The following CPQ variants were observed in gnomAD, a reference collection of about 807,000 sequenced individuals.
CPQ encodes the protein Ser-Met dipeptidase.
CPQ carries 37 observed loss-of-function variants against 45.7 expected under a neutral mutation model. That is an observed-to-expected ratio of 0.81 (90% CI 0.62 to 1.07). The LOEUF (loss-of-function observed/expected upper bound fraction) is 1.07, where lower values mean the gene tolerates loss of function less well. Among genes scored for constraint, CPQ ranks in the 50% least tolerant of loss-of-function variants. The pLI is 0.00. For missense variants in CPQ, 537 were observed against 572.9 expected, an observed-to-expected ratio of 0.94 and a Z score of 0.64; for synonymous variants, 186 against 205.8, an observed-to-expected ratio of 0.90 and a Z score of 0.82.
intron 1 of CPQ, among the ~76,000 whole-genome samples, chr8:96,730,382 C>G (rs975418061): frequency 6.6e-6 from 1 of 152,146 alleles, no homozygotes; most frequent in African/African-American, 2.4e-5. Context: ...GTTAAGTTCA[C>G]TCATCTCTCT....
chr8:96,889,712 T>C (rs1812348545), intron 4 of CPQ, among the ~76,000 whole-genome samples: 1 of 152,150 alleles, frequency 6.6e-6, no homozygotes, highest in Non-Finnish European at 1.5e-5. Flanking sequence ...GGCAAACCAC[T>C]ACTCTGAGTC....
At chr8:96,645,989 G>A (rs1226202416) in intron 1 of CPQ, among the ~76,000 whole-genome samples, 1 of 149,922 alleles carries the variant, frequency 6.7e-6, no homozygotes, top group African/African-American at 2.5e-5. Flanking sequence ...CCGTAGAACT[G>A]AGTGAATTAA....
At chr8:96,926,668 C>A (rs967835787) in intron 4 of CPQ, among the ~76,000 whole-genome samples, 4 of 150,192 alleles carry the variant, frequency 2.7e-5, no homozygotes, top group African/African-American at 9.9e-5. Context: ...TCTCCCTATT[C>A]TTCTTCTTCT....
chr8:96,825,972 A>T (rs1362764710), intron 2 of CPQ, among the ~76,000 whole-genome samples: 3 of 152,114 alleles, frequency 2.0e-5, no homozygotes, highest in Admixed American at 6.6e-5. Context: ...GGAATTTAGA[A>T]AGCAAATACA....
rs1303923186 is a variant in CPQ at position 96,792,968 on chromosome 8, GTTAT to G, written c.433+7639_433+7642del. The stretch of plus-strand genomic sequence containing the variant: ...GAGTGGCAAGCGAAGGGGAAAGATG[GTTAT>G]ACAACCATCAGATCTTGTGAGAATT... On this transcript the variant is annotated intron_variant, in intron 2 of 7. Transcript: ENST00000220763. Among the ~76,000 whole-genome samples the G allele has an allele frequency of 2.0e-5, 3 of 152,172 alleles. No individual in the cohort carries two copies. The East Asian group carries it at 5.8e-4, about 30-fold the overall frequency.
chr8:96,910,517 C>G (rs1320154317), intron 4 of CPQ, among the ~76,000 whole-genome samples: 1 of 151,868 alleles, frequency 6.6e-6, no homozygotes, highest in Admixed American at 6.6e-5. Context: ...TTTTCTCTCT[C>G]TCTTTGAGAC....
chr8:96,965,489 C>A (rs937654686), intron 4 of CPQ, among the ~76,000 whole-genome samples: 34 of 151,700 alleles, frequency 2.2e-4, no homozygotes, highest in Admixed American at 9.2e-4. Context: ...CCTGCCTCAG[C>A]CTCCCAAGTA....
intron 4 of CPQ, among the ~76,000 whole-genome samples, chr8:96,911,446 C>A (rs1812662758): frequency 6.6e-6 from 1 of 152,176 alleles, no homozygotes; most frequent in Non-Finnish European, 1.5e-5. Context: ...CCTTTTCATG[C>A]CAATGCCCTC....
At chr8:96,892,794 C>T (rs1812395520) in intron 4 of CPQ, among the ~76,000 whole-genome samples, 1 of 152,084 alleles carries the variant, frequency 6.6e-6, no homozygotes, top group Non-Finnish European at 1.5e-5. Context: ...CAAGGAAAAC[C>T]TTGTAGGTTA....
At chr8:96,660,748 C>T (rs919748307) in intron 1 of CPQ, among the ~76,000 whole-genome samples, 1 of 151,928 alleles carries the variant, frequency 6.6e-6, no homozygotes, top group African/African-American at 2.4e-5. Flanking sequence ...CATACCTTTG[C>T]TCATATTTGT....
rs779635039 is a variant in CPQ, at chr8:96,712,200, C to A, written c.-35+66798C>A. ...TCCATGGTCTTGGGCATCTCCACCC[C>A]TGTGACTTTGCAGGGTACAGCCCCT... On this transcript the variant is annotated intron_variant, in intron 1 of 7. Transcript: ENST00000220763. Among the ~76,000 whole-genome samples the A allele has an allele frequency of 4.6e-5, 7 of 152,218 alleles. No individual in the cohort carries two copies. In the South Asian group the frequency reaches 1.2e-3, roughly 27 times the overall value.
chr8:96,935,763 T>C (rs1190787835), intron 4 of CPQ, among the ~76,000 whole-genome samples: 1 of 152,182 alleles, frequency 6.6e-6, no homozygotes, highest in Non-Finnish European at 1.5e-5. Flanking sequence ...CCTCAAATTA[T>C]AGCACAAAAT....
chr8:96,828,129 G>A (rs1811402176), intron 2 of CPQ, among the ~76,000 whole-genome samples: 1 of 151,990 alleles, frequency 6.6e-6, no homozygotes, highest in Non-Finnish European at 1.5e-5. Flanking sequence ...GGCCTACTAT[G>A]CTTTATCTCC....
chr8:96,708,060 C>G (rs996783847), intron 1 of CPQ, among the ~76,000 whole-genome samples: 1 of 152,038 alleles, frequency 6.6e-6, no homozygotes, highest in Non-Finnish European at 1.5e-5. Context: ...TCCTTTCTAG[C>G]ATTTAATGGC....
chr8:96,707,623 T>C (rs990383225), intron 1 of CPQ, among the ~76,000 whole-genome samples: 3 of 151,998 alleles, frequency 2.0e-5, no homozygotes, highest in Admixed American at 1.3e-4. Context: ...TACAAAAAAA[T>C]TACCATGGAC....
At chr8:96,863,744 C>T (rs1421477008) in intron 3 of CPQ, among the ~76,000 whole-genome samples, 2 of 152,054 alleles carry the variant, frequency 1.3e-5, no homozygotes, top group African/African-American at 2.4e-5. Context: ...CTTTGCTAGG[C>T]TCTTCTCAGG....
At chr8:97,086,907 ATTT>A in intron 7 of CPQ, among the ~76,000 whole-genome samples, 1 of 152,290 alleles carries the variant, frequency 6.6e-6, no homozygotes. Context: ...GGAAGAGCCC[ATTT>A]TGAGGTTTTC....
chr8:96,920,829 A>C (rs1812796094), intron 4 of CPQ, among the ~76,000 whole-genome samples: 1 of 152,152 alleles, frequency 6.6e-6, no homozygotes, highest in Non-Finnish European at 1.5e-5. Context: ...AGACCTCAGA[A>C]GAAATCAGCC....
At chr8:96,960,840 A>G (rs1813448442) in intron 4 of CPQ, among the ~76,000 whole-genome samples, 1 of 151,884 alleles carries the variant, frequency 6.6e-6, no homozygotes. Context: ...TTTGTTGCCT[A>G]TTTTTGTTTT....
Sources: allele counts gnomAD v4.1 joint callset (sites outside exome capture counted in the v4.1 genomes callset), GRCh38; gene constraint gnomAD v4.1.1; transcripts MANE v1.5; gene names NCBI Gene and HGNC (gene_info 2026-07-23, HGNC 2026-07-21).